The following PITPNM2 variants were observed in gnomAD, a reference collection of about 807,000 sequenced individuals.
The protein encoded by PITPNM2 is phosphatidylinositol transfer protein membrane associated 2.
A neutral mutation model predicts 132.2 loss-of-function variants in PITPNM2; 35 were observed. The observed-to-expected ratio is 0.26, with a 90% CI of 0.20 to 0.35. The LOEUF is 0.35. PITPNM2 is among the 10% of genes least tolerant of loss of function. The pLI, the probability that PITPNM2 is intolerant of heterozygous loss-of-function variation, is 1.00. For synonymous variants in PITPNM2, 738 were observed against 799.2 expected, an observed-to-expected ratio of 0.92 and a Z score of 1.29; for missense variants, 1,332 against 1,912.0, an observed-to-expected ratio of 0.70 and a Z score of 5.66.
At position 123,082,102 on chromosome 12, in the gene PITPNM2, G is replaced by T. The variant is rs1277416012; in HGVS notation, c.-96+28283C>A. 1.3e-5 allele frequency: 2 copies of T among 152,314 alleles called. No homozygotes were observed. Among genetic ancestry groups the T allele is most frequent in the African/African-American group, 2.4e-5 (1 of 41,456 alleles). 9.4% of individuals were successfully genotyped at this position (152,314 alleles called of 1,614,324 possible). On this transcript the variant is annotated intron_variant, in intron 2 of 25. Coordinates refer to ENST00000320201, the MANE Select transcript of PITPNM2 (RefSeq NM_020845.3). The surrounding 1 kb of genome is among the most constrained non-coding windows in gnomAD (Gnocchi z 5.4). The stretch of plus-strand genomic sequence containing the variant: ...AGACTGGCCAGAAGGACCAGGACAT[G>T]CTCAAAGCCCTGAATGGCCTCTCTC...
Position 123,097,863 on chromosome 12 carries a change from G to C in PITPNM2, c.-96+12522C>G, listed in dbSNP as rs1235381298. ...AGTGGGTATGAGGAACAGCTGGACA[G>C]AGCTCGGAAAGCGGCTGCAGCCAGA... On this transcript the variant is annotated intron_variant, in intron 2 of 25. Coordinates refer to ENST00000320201, the MANE Select transcript of PITPNM2 (RefSeq NM_020845.3). This position sits in a 1 kb window ranked among gnomAD's most constrained non-coding sequence, Gnocchi z 4.7. 1.3e-5 allele frequency among the ~76,000 whole-genome samples: 2 copies of C among 152,242 alleles called. No homozygotes were observed. The highest frequency in any genetic ancestry group is 6.5e-5 in the Admixed American group (1 of 15,288).
At chr12:123,047,362 A>C (rs1375579738) in intron 2 of PITPNM2, among the ~76,000 whole-genome samples, 2 of 152,224 alleles carry the variant, frequency 1.3e-5, no homozygotes, top group Non-Finnish European at 2.9e-5. Flanking sequence ...TAATGTTCTT[A>C]AATGATCTAG....
At chr12:123,147,502 G>T (rs1250940915) in intron 1 of PITPNM2, among the ~76,000 whole-genome samples, 1 of 151,962 alleles carries the variant, frequency 6.6e-6, no homozygotes, top group African/African-American at 2.4e-5. Context: ...TATCCATACA[G>T]TTTTCCAGAA....
At chr12:123,021,505 T>C (rs749689311) in intron 3 of PITPNM2, among the ~76,000 whole-genome samples, 7 of 152,146 alleles carry the variant, frequency 4.6e-5, no homozygotes, top group Non-Finnish European at 1.0e-4. Flanking sequence ...AGCTAGTTTT[T>C]TATTTTTTTG....
At position 123,009,793 on chromosome 12, in the gene PITPNM2, A is replaced by C; in HGVS notation, c.643+57T>G. On this transcript the variant is annotated intron_variant, in intron 6 of 25. Coordinates refer to ENST00000320201, the MANE Select transcript of PITPNM2 (RefSeq NM_020845.3). The surrounding 1 kb of genome is among the most constrained non-coding windows in gnomAD (Gnocchi z 4.8). The stretch of plus-strand genomic sequence containing the variant: ...GAGAGGAGGCAGACAGGCAGGTGAC[A>C]GGAGACAGAGGGGTTGGGTAGCCCA... 6.8e-7 allele frequency: 1 copy of C among 1,475,520 alleles called. No individual in the cohort carries two copies. Among genetic ancestry groups the C allele is most frequent in the Non-Finnish European group, 9.5e-7 (1 of 1,056,212 alleles). 91.4% of individuals were successfully genotyped at this position (1,475,520 alleles called of 1,614,324 possible). A position where few individuals can be genotyped will look rare whatever the true frequency, so the allele number is the denominator to read the frequency against.
intron 2 of PITPNM2, among the ~76,000 whole-genome samples, chr12:123,107,664 G>T (rs1292508508): frequency 6.6e-6 from 1 of 152,186 alleles, no homozygotes; most frequent in Non-Finnish European, 1.5e-5. Flanking sequence ...AGGGCCCGGT[G>T]GTCACTATGC....
In PITPNM2 at chr12:123,009,246, A is replaced by AG. The variant is rs928464343; in HGVS notation, c.643+603dup. On this transcript the variant is annotated intron_variant, in intron 6 of 25. Transcript: ENST00000320201. The surrounding 1 kb of genome is among the most constrained non-coding windows in gnomAD (Gnocchi z 4.8). ...TGACATCATGCTATGACCTCGGCAGAGGGGGGTTTAGGGCTCTAGGTGAGG... is the reference window on the plus strand; with the variant it reads ...TGACATCATGCTATGACCTCGGCAGAGGGGGGGTTTAGGGCTCTAGGTGAGG... 1.3e-5 allele frequency among the ~76,000 whole-genome samples: 2 copies of AG among 152,166 alleles called. No individual in the cohort carries two copies. Among genetic ancestry groups the AG allele is most frequent in the African/African-American group, 4.8e-5 (2 of 41,432 alleles).
intron 3 of PITPNM2, among the ~76,000 whole-genome samples, chr12:123,026,298 T>C (rs1025954028): frequency 6.6e-6 from 1 of 151,980 alleles, no homozygotes; most frequent in Non-Finnish European, 1.5e-5. Flanking sequence ...GTAAATGGAG[T>C]GACGTGGCCA....
chr12:123,107,569 G>A lies in PITPNM2; in HGVS notation c.-96+2816C>T, dbSNP rs142092736. ...GAGCCCTTTCCTTCCTCAGTCCCTTGTGGAGGAGAGAGGAGAAGGAAAGAT... is the reference window on the plus strand; with the variant it reads ...GAGCCCTTTCCTTCCTCAGTCCCTTATGGAGGAGAGAGGAGAAGGAAAGAT... On this transcript the variant is annotated intron_variant, in intron 2 of 25. Coordinates refer to ENST00000320201, the MANE Select transcript of PITPNM2 (RefSeq NM_020845.3). 1.1e-3 allele frequency among the ~76,000 whole-genome samples: 167 copies of A among 152,252 alleles called. 1 individual carries two copies. Among genetic ancestry groups the A allele is most frequent in the African/African-American group, 3.7e-3 (155 of 41,542 alleles).
rs183266327 is a variant in PITPNM2 at position 123,144,111 on chromosome 12, G to A, written c.-200+6642C>T. 3.2e-3 allele frequency among the ~76,000 whole-genome samples: 485 copies of A among 152,334 alleles called. 3 individuals carry two copies. Among genetic ancestry groups the A allele is most frequent in the African/African-American group, 0.011 (444 of 41,572 alleles). On this transcript the variant is annotated intron_variant, in intron 1 of 25. Coordinates refer to ENST00000320201, the MANE Select transcript of PITPNM2 (RefSeq NM_020845.3). ...AATTGGCAAAAAATTTGAGTTGCCT[G>A]ATGGCACATTCCCTGCTGAGGTTGA...
Position 123,079,350 on chromosome 12 carries a change from C to CTTTTTTTTTTTTTTTTTTTTTTTTT in PITPNM2, c.-96+31010_-96+31034dup, listed in dbSNP as rs139205213. Among the ~76,000 whole-genome samples the CTTTTTTTTTTTTTTTTTTTTTTTTT allele has an allele frequency of 9.3e-5, 5 of 53,792 alleles. 1 individual carries two copies. The highest frequency in any genetic ancestry group is 3.0e-4 in the Admixed American group (1 of 3,302). The allele number at this position is 53,792 out of a possible 152,430, so 35.3% of individuals were successfully genotyped here. On this transcript the variant is annotated intron_variant, in intron 2 of 25. Coordinates refer to ENST00000320201, the MANE Select transcript of PITPNM2 (RefSeq NM_020845.3). ...TTCACTTCTTTTTCTTTTTTCTTTT[C>CTTTTTTTTTTTTTTTTTTTTTTTTT]TTTTTTTTTTTTTTTTTTTTTTTTT...
At chr12:123,103,775 G>A (rs2042623617) in intron 2 of PITPNM2, among the ~76,000 whole-genome samples, 1 of 152,198 alleles carries the variant, frequency 6.6e-6, no homozygotes, top group African/African-American at 2.4e-5. Context: ...CAGTGGGTTA[G>A]GTGTAAAGGT....
At chr12:123,101,262 C>T (rs535332781) in intron 2 of PITPNM2, among the ~76,000 whole-genome samples, 1 of 152,190 alleles carries the variant, frequency 6.6e-6, no homozygotes, top group Non-Finnish European at 1.5e-5. Context: ...TGGGACATAG[C>T]ATGGGCTGAC....
chr12:123,112,154 G>A (rs2042852017), intron 1 of PITPNM2, among the ~76,000 whole-genome samples: 2 of 152,174 alleles, frequency 1.3e-5, no homozygotes, highest in Non-Finnish European at 2.9e-5. Flanking sequence ...AGTATTAAAA[G>A]TGAAAAAAGT....
At chr12:123,132,436 C>T (rs1164354652) in intron 1 of PITPNM2, among the ~76,000 whole-genome samples, 7 of 152,256 alleles carry the variant, frequency 4.6e-5, no homozygotes, top group Middle Eastern at 3.4e-3. Context: ...CCCCGAGAGC[C>T]ACTGGAGGTT....
At chr12:123,140,892 C>T (rs993969373) in intron 1 of PITPNM2, among the ~76,000 whole-genome samples, 1 of 151,880 alleles carries the variant, frequency 6.6e-6, no homozygotes, top group African/African-American at 2.4e-5. Context: ...TCCCTTTGGC[C>T]TCTTTGAAAA....
Position 123,069,752 on chromosome 12 carries a change from C to T in PITPNM2, c.-95-35067G>A, listed in dbSNP as rs117149972. 1.1e-3 allele frequency among the ~76,000 whole-genome samples: 171 copies of T among 152,280 alleles called. 1 individual carries two copies. The highest frequency in any genetic ancestry group is 2.0e-3 in the Non-Finnish European group (133 of 68,018). ...TGTTCAAAGTTGTGTCCCCAGGGCT[C>T]GGCCACAGCAGTTGCTTAATAAAGG... On this transcript the variant is annotated intron_variant, in intron 2 of 25. Coordinates refer to ENST00000320201, the MANE Select transcript of PITPNM2 (RefSeq NM_020845.3).
At chr12:123,018,937 C>A (rs1005752994) in intron 3 of PITPNM2, among the ~76,000 whole-genome samples, 17 of 152,010 alleles carry the variant, frequency 1.1e-4, no homozygotes, top group African/African-American at 4.1e-4. Flanking sequence ...GCGTGTGCCA[C>A]CAAGCTTGGC....
At chr12:123,045,869 G>A (rs2040636131) in intron 2 of PITPNM2, among the ~76,000 whole-genome samples, 2 of 152,080 alleles carry the variant, frequency 1.3e-5, no homozygotes, top group Non-Finnish European at 1.5e-5. Flanking sequence ...TACCAAAGGC[G>A]CACCAGCCCA....
Sources: allele counts gnomAD v4.1 joint callset (sites outside exome capture counted in the v4.1 genomes callset), GRCh38; gene constraint gnomAD v4.1.1; non-coding constraint Gnocchi (gnomAD v3.1); transcripts MANE v1.5; gene names NCBI Gene and HGNC (gene_info 2026-07-23, HGNC 2026-07-21).